Variants in LMNA observed in about 807,000 individuals in gnomAD.
The protein encoded by LMNA is lamin A/C, also known as lamin.
In LMNA, 20 loss-of-function variants were observed where a neutral mutation model predicts 70.4. The observed-to-expected ratio is 0.28, with a 90% CI of 0.20 to 0.41. The LOEUF is 0.41. Ranked by LOEUF, LMNA falls within the 10% of genes least tolerant of loss-of-function variation. LMNA has a pLI of 1.00. For synonymous variants in LMNA, 339 were observed against 372.8 expected (o/e 0.91, Z 1.04); for missense variants, 652 against 917.2 (o/e 0.71, Z 3.73).
rs150141631 is a variant in LMNA at position 156,124,990 on chromosome 1, C to G, written c.357-5627C>G. Among the ~76,000 whole-genome samples, 24 of 152,286 alleles carry G rather than the reference C, an allele frequency of 1.6e-4. No individual in the cohort carries two copies. The East Asian group carries it at 4.2e-3, about 27-fold the overall frequency. ...TTTTGCACCAATCTGCTGTGAGTGT[C>G]CTCAGGTGACCTGGGGGCAGGTTTT... is the stretch of plus-strand genomic sequence containing the variant. On this transcript the variant is annotated intron_variant, in intron 1 of 11. Transcript: ENST00000368300.
In LMNA at chr1:156,135,076, G is replaced by C; in HGVS notation, c.810+101G>C. On this transcript the variant is annotated intron_variant, in intron 4 of 11. Transcript: ENST00000368300. The surrounding 1 kb of genome is among the most constrained non-coding windows in gnomAD (Gnocchi z 4.8). ...TCTGGGGATCAGGCAGATGGTGGCAGGGAGCTCAGGGTGGCCCAGGACCTG... is the reference window on the plus strand; with the variant it reads ...TCTGGGGATCAGGCAGATGGTGGCACGGAGCTCAGGGTGGCCCAGGACCTG... 6.2e-7 allele frequency: 1 copy of C among 1,609,902 alleles called. No homozygotes were observed. Among genetic ancestry groups the C allele is most frequent in the Non-Finnish European group, 8.5e-7 (1 of 1,176,818 alleles).
rs1553265267 is a variant in LMNA, at chr1:156,134,822, G to A, written c.657G>A (p.Lys219=). Residue 219 remains lysine, a synonymous_variant, in exon 4 of 12, where the codon AAG becomes AAA. Transcript: ENST00000368300. This position sits in a 1 kb window ranked among gnomAD's most constrained non-coding sequence, Gnocchi z 5.3. The part of the protein sequence containing the change: ...NIYSEELRET[K]RRHETRLVEI... Reference sequence around the variant, plus strand: ...CCTTCCAGGAGCTGCGTGAGACCAAGCGCCGTCATGAGACCCGACTGGTGG... The same window carrying A: ...CCTTCCAGGAGCTGCGTGAGACCAAACGCCGTCATGAGACCCGACTGGTGG... 6.2e-7 allele frequency: 1 copy of A among 1,614,228 alleles called. No homozygotes were observed.
intron 2 of LMNA, among the ~76,000 whole-genome samples, chr1:156,131,644 T>C (rs1426375549): frequency 1.3e-5 from 2 of 152,166 alleles, no homozygotes; most frequent in Non-Finnish European, 2.9e-5. Context: ...TACTTAACTT[T>C]GCAATGAACT....
At chr1:156,126,229 C>A in intron 1 of LMNA, 1 of 1,519,900 alleles carries the variant, frequency 6.6e-7, no homozygotes, top group East Asian at 2.5e-5. Context: ...GGCTGGTGAG[C>A]AGGGCTGCTG....
chr1:156,084,335 T>TGGGGGGGGGGGGGGGGGGGGGGGGGG (rs1491154815), intron 2 of LMNA, among the ~76,000 whole-genome samples: 1 of 91,638 alleles, frequency 1.1e-5, no homozygotes, highest in Non-Finnish European at 2.4e-5. Flanking sequence ...GGTCGGGGGG[T>TGGGGGGGGGGGGGGGGGGGGGGGGGG]GGTGGGGGCA....
chr1:156,126,569 G>T (rs1458879497), intron 1 of LMNA: 16 of 794,526 alleles, frequency 2.0e-5, no homozygotes, highest in Non-Finnish European at 3.1e-5. Context: ...AGCCCCAAGG[G>T]CCCGGGCCTG....
chr1:156,090,147 G>A (rs1022896446), intron 2 of LMNA, among the ~76,000 whole-genome samples: 1 of 152,178 alleles, frequency 6.6e-6, no homozygotes, highest in Non-Finnish European at 1.5e-5. Context: ...GTACTAACGA[G>A]ATTCTGCAAT....
chr1:156,101,280 C>T (rs11264437), intron 3 of LMNA, among the ~76,000 whole-genome samples: 29,694 of 151,916 alleles, frequency 0.2, 3,699 homozygotes, highest in East Asian at 0.71. Context: ...CTTTGAGCCC[C>T]GCAGTTCGAG....
Position 156,115,195 on chromosome 1 carries a change from G to C in LMNA, c.277G>C (p.Asp93His). The C allele has an allele frequency of 6.2e-7, 1 of 1,613,214 alleles. No homozygotes were observed. Among genetic ancestry groups the C allele is most frequent in the Non-Finnish European group, 8.5e-7 (1 of 1,179,784 alleles). The change falls in exon 1 of 12, where the codon GAC (aspartate) becomes CAC (histidine). Residue 93 changes from aspartate (D) to histidine (H), a missense_variant. Transcript: ENST00000368300. The surrounding 1 kb of genome is among the most constrained non-coding windows in gnomAD (Gnocchi z 5.8). The stretch of plus-strand genomic sequence containing the variant: ...GCTCGGGGATGCCCGCAAGACCCTT[G>C]ACTCAGTAGCCAAGGAGCGCGCCCG... ...AELGDARKTL[D>H]SVAKERARLQ...
intron 3 of LMNA, among the ~76,000 whole-genome samples, chr1:156,094,928 T>G (rs1383609620): frequency 7.2e-6 from 1 of 139,218 alleles, no homozygotes; most frequent in Admixed American, 7.0e-5. Flanking sequence ...ACCAGCTAAT[T>G]TTTTTTTTTT....
Position 156,114,994 on chromosome 1 carries a change from A to C in LMNA, c.76A>C (p.Ile26Leu), listed in dbSNP as rs1302425397. ...ASSTPLSPTR[I>L]TRLQEKEDLQ... The stretch of plus-strand genomic sequence containing the variant: ...CTCCACTCCGCTGTCGCCCACCCGC[A>C]TCACCCGGCTGCAGGAGAAGGAGGA... The change falls in exon 1 of 12, where the codon ATC becomes CTC. Residue 26 changes from isoleucine (I) to leucine (L), a missense_variant. Transcript: ENST00000368300. 3 of 1,599,710 alleles carry C rather than the reference A, an allele frequency of 1.9e-6. No individual in the cohort carries two copies. The highest frequency in any genetic ancestry group is 2.6e-6 in the Non-Finnish European group (3 of 1,173,494).
chr1:156,126,843 G>A (rs1650624084), intron 1 of LMNA: 3 of 1,612,122 alleles, frequency 1.9e-6, no homozygotes, highest in African/African-American at 2.7e-5. Context: ...GAGGATGCAA[G>A]GGAAAGGACT....
chr1:156,134,326 G>A lies in LMNA; in HGVS notation c.514-77G>A. On this transcript the variant is annotated intron_variant, in intron 2 of 11. Coordinates refer to ENST00000368300, the MANE Select transcript of LMNA (RefSeq NM_170707.4). This position sits in a 1 kb window ranked among gnomAD's most constrained non-coding sequence, Gnocchi z 5.3. ...ACATGTGTGAAGGGGTGCACAGGCAGCAGCCCACCTCTCAGCTTCCTTCCA... is the reference window on the plus strand; with the variant it reads ...ACATGTGTGAAGGGGTGCACAGGCAACAGCCCACCTCTCAGCTTCCTTCCA... 2.6e-6 allele frequency: 4 copies of A among 1,538,648 alleles called. No homozygotes were observed. The highest frequency in any genetic ancestry group is 3.6e-6 in the Non-Finnish European group (4 of 1,125,926).
intron 3 of LMNA, among the ~76,000 whole-genome samples, chr1:156,102,008 TG>T (rs1301688677): frequency 1.3e-5 from 2 of 152,164 alleles, no homozygotes; most frequent in Non-Finnish European, 2.9e-5. Flanking sequence ...TGGGAATACT[TG>T]GGGTCGTCTT....
At chr1:156,126,196 G>T (rs1212414408) in intron 1 of LMNA, 1 of 1,527,304 alleles carries the variant, frequency 6.5e-7, no homozygotes, top group Admixed American at 2.0e-5. Context: ...CCTGTGTGCT[G>T]CCTGGCAATG....
At chr1:156,092,246 G>A (rs1648735449) in intron 3 of LMNA, among the ~76,000 whole-genome samples, 4 of 152,184 alleles carry the variant, frequency 2.6e-5, no homozygotes, top group Admixed American at 2.0e-4. Flanking sequence ...TTAGCCAGGT[G>A]TGGTGAGTTG....
exon 2 of LMNA, chr1:156,083,003 C>G (rs1245986921): frequency 6.6e-6 from 1 of 152,282 alleles, no homozygotes; most frequent in Non-Finnish European, 1.5e-5. Flanking sequence ...AGACAAAGCC[C>G]GCAGCAGCGA....
chr1:156,125,810 A>C (rs1310650543), intron 1 of LMNA, among the ~76,000 whole-genome samples: 1 of 151,890 alleles, frequency 6.6e-6, no homozygotes, highest in Non-Finnish European at 1.5e-5. Context: ...CCAACATGGC[A>C]AAACTCCGTC....
rs150756411 is a variant in LMNA, at chr1:156,102,369, A to G, written c.-207+11787A>G. ...CAGAGGGCAGCAAGGTACAGTTGAC[A>G]TACCGCAGACACCCAGGCAGGGCAA... On this transcript the variant is annotated intron_variant, in intron 3 of 12. Coordinates refer to the LMNA transcript ENST00000368301. Among the ~76,000 whole-genome samples the G allele has an allele frequency of 2.1e-3, 315 of 152,280 alleles. 2 individuals carry two copies. The highest frequency in any genetic ancestry group is 7.1e-3 in the African/African-American group (297 of 41,556).
Sources: allele counts gnomAD v4.1 joint callset (sites outside exome capture counted in the v4.1 genomes callset), GRCh38; gene constraint gnomAD v4.1.1; non-coding constraint Gnocchi (gnomAD v3.1); transcripts MANE v1.5; gene names NCBI Gene and HGNC (gene_info 2026-07-23, HGNC 2026-07-21).